The following NRG1 variants were observed in gnomAD, a reference collection of about 807,000 sequenced individuals.
NRG1 encodes pro-neuregulin-1, membrane-bound isoform.
Under a neutral mutation model 63.8 loss-of-function variants are expected in NRG1, and 18 were observed. The ratio of observed to expected loss-of-function variants is 0.28; its 90% CI spans 0.19 to 0.42. The LOEUF is 0.42. Among genes scored for constraint, NRG1 ranks in the 10% least tolerant of loss-of-function variants. The pLI is 1.00. For synonymous variants in NRG1, 302 were observed against 301.3 expected, an observed-to-expected ratio of 1.00 and a Z score of -0.02; for missense variants, 762 against 814.7, an observed-to-expected ratio of 0.94 and a Z score of 0.79.
intron 11 of NRG1, 181 bp downstream of exon 11, chr8:32,760,587 A>C: frequency 7.1e-7 from 1 of 1,410,914 alleles, no homozygotes; most frequent in Non-Finnish European, 9.2e-7. Context: ...ATTTCTTCTG[A>C]GCTTCTCTCG....
chr8:31,976,313 A>C (rs1808164061), intron 1 of NRG1, among the ~76,000 whole-genome samples: 1 of 152,042 alleles, frequency 6.6e-6, no homozygotes, highest in Admixed American at 6.6e-5. Flanking sequence ...ATCTACCTTA[A>C]ACGCATTCTG....
chr8:32,262,488 A>T (rs965058554), intron 1 of NRG1, among the ~76,000 whole-genome samples: 9 of 152,120 alleles, frequency 5.9e-5, no homozygotes, highest in Admixed American at 4.6e-4. Flanking sequence ...AACTATAAAC[A>T]CTCAACCGCA....
upstream of NRG1, among the ~76,000 whole-genome samples, chr8:32,545,448 T>G (rs893943189): frequency 6.6e-6 from 1 of 151,702 alleles, no homozygotes; most frequent in Non-Finnish European, 1.5e-5. Context: ...CATTAAGATA[T>G]GTCATCATTT....
intron 1 of NRG1, among the ~76,000 whole-genome samples, chr8:31,750,634 A>C (rs764959365): frequency 6.3e-4 from 96 of 151,964 alleles, no homozygotes; most frequent in Non-Finnish European, 2.4e-4. Context: ...CTGTTTTTTT[A>C]ATTATTATTA....
intron 1 of NRG1, among the ~76,000 whole-genome samples, chr8:32,393,482 C>A (rs1444040477): frequency 6.6e-6 from 1 of 152,152 alleles, no homozygotes; most frequent in Non-Finnish European, 1.5e-5. Context: ...TGAAATCAAC[C>A]TAAATGCCCA....
intron 1 of NRG1, among the ~76,000 whole-genome samples, chr8:32,439,580 A>T (rs760744911): frequency 4.8e-4 from 73 of 152,234 alleles, no homozygotes; most frequent in Non-Finnish European, 8.2e-4. Context: ...TGCAAACCAG[A>T]TGCTATTTCT....
intron 5 of NRG1, among the ~76,000 whole-genome samples, chr8:32,703,397 T>C (rs949631376): frequency 4.0e-5 from 6 of 148,726 alleles, no homozygotes; most frequent in Non-Finnish European, 8.9e-5. Flanking sequence ...CCTATGATAT[T>C]GTAGAGATAT....
intron 1 of NRG1, among the ~76,000 whole-genome samples, chr8:32,316,347 A>C (rs897152617): frequency 1.3e-5 from 2 of 151,934 alleles, no homozygotes; most frequent in Admixed American, 6.6e-5. Flanking sequence ...TTGGTGGCGC[A>C]TGCCTGTAGT....
At chr8:31,716,357 A>C (rs913773685) in intron 1 of NRG1, among the ~76,000 whole-genome samples, 3 of 152,222 alleles carry the variant, frequency 2.0e-5, no homozygotes, top group Admixed American at 2.0e-4. Context: ...GTTGATATCT[A>C]CAGTGCTTTC....
intron 1 of NRG1, among the ~76,000 whole-genome samples, chr8:32,048,304 T>C (rs1821351037): frequency 6.6e-6 from 1 of 150,502 alleles, no homozygotes; most frequent in Admixed American, 6.7e-5. Flanking sequence ...TATATATTCA[T>C]ACATATATGT....
chr8:32,420,223 C>G (rs1816522716), intron 1 of NRG1, among the ~76,000 whole-genome samples: 1 of 152,196 alleles, frequency 6.6e-6, no homozygotes, highest in South Asian at 2.1e-4. Flanking sequence ...ACATGCTCCT[C>G]TTGTGACTTA....
At chr8:32,118,127 T>C (rs1238594623) in intron 1 of NRG1, among the ~76,000 whole-genome samples, 1 of 152,120 alleles carries the variant, frequency 6.6e-6, no homozygotes, top group Non-Finnish European at 1.5e-5. Flanking sequence ...TAGTAATTGC[T>C]ATGGTTTGTT....
intron 1 of NRG1, among the ~76,000 whole-genome samples, chr8:32,497,507 A>T (rs1563545813): frequency 6.6e-6 from 1 of 151,962 alleles, no homozygotes; most frequent in Non-Finnish European, 1.5e-5. Flanking sequence ...AACAATTTAA[A>T]TTTAGCATAA....
chr8:32,608,104 TTTG>T (rs1410015140), intron 3 of NRG1, among the ~76,000 whole-genome samples: 115 of 123,886 alleles, frequency 9.3e-4, no homozygotes, highest in African/African-American at 4.2e-3. Context: ...TTTTTTTTTT[TTTG>T]TTTTTTTTTT....
chr8:31,694,948 A>G (rs1225585836), intron 1 of NRG1, among the ~76,000 whole-genome samples: 2 of 152,194 alleles, frequency 1.3e-5, no homozygotes, highest in East Asian at 3.9e-4. Context: ...TTCTTAATGT[A>G]TTAGTCTGTT....
intron 1 of NRG1, among the ~76,000 whole-genome samples, chr8:31,939,038 C>G (rs949473677): frequency 2.0e-5 from 3 of 152,140 alleles, no homozygotes; most frequent in African/African-American, 7.2e-5. Flanking sequence ...AAGATCTAGA[C>G]ATTCAAATAC....
At chr8:31,824,452 T>C (rs1824336719) in intron 1 of NRG1, among the ~76,000 whole-genome samples, 1 of 152,108 alleles carries the variant, frequency 6.6e-6, no homozygotes, top group South Asian at 2.1e-4. Flanking sequence ...TGAAAATAGC[T>C]TTGACCATTT....
chr8:32,252,781 T>C (rs186230363), intron 1 of NRG1, among the ~76,000 whole-genome samples: 1 of 152,368 alleles, frequency 6.6e-6, no homozygotes, highest in South Asian at 2.1e-4. Flanking sequence ...TAAATTACTT[T>C]GGGCAGTATG....
intron 5 of NRG1, among the ~76,000 whole-genome samples, chr8:32,686,981 T>C (rs1810321205): frequency 6.6e-6 from 1 of 152,216 alleles, no homozygotes; most frequent in Admixed American, 6.5e-5. Flanking sequence ...CAAGAGCCTG[T>C]ATGGTATCTT....
Sources: allele counts gnomAD v4.1 joint callset (sites outside exome capture counted in the v4.1 genomes callset), GRCh38; gene constraint gnomAD v4.1.1; transcripts MANE v1.5; gene names NCBI Gene and HGNC (gene_info 2026-07-23, HGNC 2026-07-21).